Variants in PLD5 observed in about 807,000 individuals in gnomAD.
PLD5 encodes the protein phospholipase D family member 5, also known as inactive phospholipase D5.
Under a neutral mutation model 61.1 loss-of-function variants are expected in PLD5, and 36 were observed. The observed-to-expected ratio is 0.59, with a 90% CI of 0.45 to 0.78. The LOEUF (loss-of-function observed/expected upper bound fraction) is 0.78. Ranked by LOEUF, PLD5 falls within the 30% of genes least tolerant of loss-of-function variation. The pLI, the probability that PLD5 is intolerant of heterozygous loss-of-function variation, is 0.00. For synonymous variants in PLD5, 243 were observed against 242.8 expected (o/e 1.00, Z -0.01); for missense variants, 515 against 644.4 (o/e 0.80, Z 2.17).
Position 242,194,603 on chromosome 1 carries a change from T to TATCTATCTATCTA in PLD5, c.735+25384_735+25385insTAGATAGATAGAT, listed in dbSNP as rs1193250766. The stretch of plus-strand genomic sequence containing the variant: ...CTATCTATCTATCTATCTATCTATC[T>TATCTATCTATCTA]ATGTATCTATCTATGTATCTATCTA... On this transcript the variant is annotated intron_variant, in intron 5 of 9. Coordinates refer to ENST00000536534, the MANE Select transcript of PLD5 (RefSeq NM_001372062.1). Among the ~76,000 whole-genome samples, 384 of 74,348 alleles carry TATCTATCTATCTA rather than the reference T, an allele frequency of 5.2e-3. 2 individuals are homozygous for TATCTATCTATCTA. The highest frequency in any genetic ancestry group is 0.023 in the African/African-American group (369 of 16,100). 48.8% of individuals were successfully genotyped at this position (74,348 alleles called of 152,430 possible). A position where few individuals can be genotyped will look rare whatever the true frequency, so the allele number is the denominator to read the frequency against.
intron 2 of PLD5, among the ~76,000 whole-genome samples, chr1:242,331,864 G>A (rs1263201547): frequency 6.6e-6 from 1 of 151,980 alleles, no homozygotes; most frequent in African/African-American, 2.4e-5. Context: ...TTAAAACTAG[G>A]GCGGCAAAGT....
intron 1 of PLD5, among the ~76,000 whole-genome samples, chr1:242,511,185 T>G (rs1423331645): frequency 2.6e-5 from 4 of 152,096 alleles, no homozygotes; most frequent in African/African-American, 9.7e-5. Flanking sequence ...TAAAGAATCA[T>G]AAAAGTACCA....
At chr1:242,463,434 T>G (rs1016576189) in intron 1 of PLD5, among the ~76,000 whole-genome samples, 1 of 152,158 alleles carries the variant, frequency 6.6e-6, no homozygotes, top group Non-Finnish European at 1.5e-5. Context: ...ACTCCTAATG[T>G]TCCCAAGCAG....
At chr1:242,325,333 T>C (rs1415714355) in intron 2 of PLD5, among the ~76,000 whole-genome samples, 2 of 140,526 alleles carry the variant, frequency 1.4e-5, no homozygotes, top group Non-Finnish European at 1.5e-5. Flanking sequence ...ACTCCATAGG[T>C]AAGGGTGTTA....
chr1:242,246,141 G>A (rs1002423965), intron 4 of PLD5, among the ~76,000 whole-genome samples: 2 of 152,006 alleles, frequency 1.3e-5, no homozygotes, highest in African/African-American at 4.8e-5. Context: ...ACTGAGTCAG[G>A]AGGATCACTT....
intron 1 of PLD5, among the ~76,000 whole-genome samples, chr1:242,371,620 C>T (rs568770511): frequency 6.6e-6 from 1 of 152,064 alleles, no homozygotes; most frequent in African/African-American, 2.4e-5. Flanking sequence ...TTTCAAATCT[C>T]CCAATGCTCC....
chr1:242,308,519 TA>T (rs1676509109), intron 2 of PLD5, among the ~76,000 whole-genome samples: 1 of 152,210 alleles, frequency 6.6e-6, no homozygotes, highest in African/African-American at 2.4e-5. Context: ...TTAAACATAT[TA>T]AAATTATTAC....
rs1037122657 is a variant in PLD5, at chr1:242,088,252, C to T, written c.*1602G>A. On this transcript the variant is annotated 3_prime_UTR_variant, in exon 10 of 10. Transcript: ENST00000536534. ...TGTTATTCATGCCAAAGCAGCCCAA[C>T]GCAATGTTCTATTGAAATGTTGACA... The T allele has an allele frequency of 2.0e-5, 3 of 152,142 alleles. No individual in the cohort carries two copies. Among genetic ancestry groups the T allele is most frequent in the Non-Finnish European group, 2.9e-5 (2 of 68,028 alleles). The allele number at this position is 152,142 out of a possible 1,614,324, so 9.4% of individuals were successfully genotyped here.
chr1:242,346,507 T>C (rs1262254146), intron 2 of PLD5, among the ~76,000 whole-genome samples: 3 of 152,238 alleles, frequency 2.0e-5, no homozygotes, highest in African/African-American at 7.2e-5. Context: ...TGTCTATGTA[T>C]ATTTGACAAG....
intron 6 of PLD5, among the ~76,000 whole-genome samples, chr1:242,123,878 G>T (rs953110764): frequency 6.6e-6 from 1 of 152,172 alleles, no homozygotes; most frequent in Non-Finnish European, 1.5e-5. Flanking sequence ...GGTGGGTGGA[G>T]GGTGTGGCTA....
intron 1 of PLD5, among the ~76,000 whole-genome samples, chr1:242,415,198 C>G (rs1461184026): frequency 6.6e-6 from 1 of 152,196 alleles, no homozygotes; most frequent in African/African-American, 2.4e-5. Flanking sequence ...TTGGTAGCAT[C>G]TAACAAATCT....
At chr1:242,230,309 T>G (rs932091246) in intron 4 of PLD5, among the ~76,000 whole-genome samples, 2 of 152,214 alleles carry the variant, frequency 1.3e-5, no homozygotes, top group African/African-American at 2.4e-5. Flanking sequence ...CATTATAAAA[T>G]TAATCACTAG....
At chr1:242,236,954 T>C (rs1671674575) in intron 4 of PLD5, among the ~76,000 whole-genome samples, 1 of 152,202 alleles carries the variant, frequency 6.6e-6, no homozygotes, top group South Asian at 2.1e-4. Context: ...CTTGACAGCT[T>C]TAATTCCCCA....
intron 2 of PLD5, among the ~76,000 whole-genome samples, chr1:242,329,120 C>T (rs779037614): frequency 3.9e-5 from 6 of 151,988 alleles, no homozygotes; most frequent in Non-Finnish European, 8.8e-5. Flanking sequence ...GTGATTCTCT[C>T]GTGCCTCAGC....
chr1:242,165,228 C>T (rs1666215191), intron 5 of PLD5, among the ~76,000 whole-genome samples: 1 of 151,984 alleles, frequency 6.6e-6, no homozygotes, highest in African/African-American at 2.4e-5. Context: ...CTGTGGTTAC[C>T]ATTATGCAGC....
chr1:242,096,683 G>GT (rs76435237), intron 9 of PLD5, among the ~76,000 whole-genome samples: 192 of 129,790 alleles, frequency 1.5e-3, no homozygotes, highest in East Asian at 4.9e-3. Context: ...AGTCTTTTTT[G>GT]TTTTTTTTTT....
intron 1 of PLD5, among the ~76,000 whole-genome samples, chr1:242,427,642 C>A (rs763354744): frequency 2.2e-4 from 34 of 152,298 alleles, no homozygotes; most frequent in African/African-American, 8.2e-4. Flanking sequence ...AAGCTAATTG[C>A]TTTCCTTTTT....
chr1:242,377,405 G>A (rs1158919594), intron 1 of PLD5: 2 of 1,138,214 alleles, frequency 1.8e-6, no homozygotes, highest in Non-Finnish European at 2.6e-6. Context: ...ACTTCCGCTT[G>A]GGACTGGGGA....
intron 2 of PLD5, among the ~76,000 whole-genome samples, chr1:242,345,022 C>T (rs868163619): frequency 3.3e-5 from 5 of 152,136 alleles, no homozygotes; most frequent in Non-Finnish European, 5.9e-5. Flanking sequence ...TTCCCTATCA[C>T]GAGAATAGCA....
Sources: allele counts gnomAD v4.1 joint callset (sites outside exome capture counted in the v4.1 genomes callset), GRCh38; gene constraint gnomAD v4.1.1; transcripts MANE v1.5; gene names NCBI Gene and HGNC (gene_info 2026-07-23, HGNC 2026-07-21).